The following SGK3 variants were observed in gnomAD, a reference collection of about 807,000 sequenced individuals.
The protein encoded by SGK3 is serine/threonine-protein kinase Sgk3.
SGK3 carries 47 observed loss-of-function variants against 68.5 expected under a neutral mutation model. The ratio of observed to expected loss-of-function variants is 0.69; its 90% CI spans 0.54 to 0.87. The LOEUF is 0.87. SGK3 is among the 40% of genes least tolerant of loss of function. The pLI, the probability that SGK3 is intolerant of heterozygous loss-of-function variation, is 0.00. For missense variants in SGK3, 479 were observed against 575.5 expected (o/e 0.83, Z 1.72); for synonymous variants, 181 against 189.1 (o/e 0.96, Z 0.35).
chr8:66,790,454 T>C (rs1426560622), intron 1 of SGK3, among the ~76,000 whole-genome samples: 1 of 152,210 alleles, frequency 6.6e-6, no homozygotes, highest in East Asian at 1.9e-4. Flanking sequence ...GCCTCATCTA[T>C]GCCTACCCAA....
chr8:66,778,923 A>T (rs1806838138), intron 1 of SGK3, among the ~76,000 whole-genome samples: 1 of 152,194 alleles, frequency 6.6e-6, no homozygotes, highest in African/African-American at 2.4e-5. Flanking sequence ...GTGGAGTATT[A>T]TTCCTAAAAT....
intron 2 of SGK3, among the ~76,000 whole-genome samples, chr8:66,797,314 G>T (rs1807738449): frequency 6.6e-6 from 1 of 152,226 alleles, no homozygotes; most frequent in Non-Finnish European, 1.5e-5. Context: ...TGCCGTGTGA[G>T]ATAATCTCTT....
intron 1 of SGK3, among the ~76,000 whole-genome samples, chr8:66,752,580 C>T (rs1805850134): frequency 6.6e-6 from 1 of 151,560 alleles, no homozygotes; most frequent in Non-Finnish European, 1.5e-5. Flanking sequence ...GTAGGAGTTA[C>T]CCTGTGAAAA....
At chr8:66,856,661 A>C (rs1489969637) in intron 16 of SGK3, among the ~76,000 whole-genome samples, 1 of 152,212 alleles carries the variant, frequency 6.6e-6, no homozygotes, top group Admixed American at 6.5e-5. Flanking sequence ...TATAAAGGCA[A>C]GTCAGAGAAC....
chr8:66,857,118 T>C (rs1810543588), intron 16 of SGK3, among the ~76,000 whole-genome samples: 1 of 152,072 alleles, frequency 6.6e-6, no homozygotes, highest in Non-Finnish European at 1.5e-5. Context: ...CTAGCAAATT[T>C]TGTAGCCAGA....
intron 4 of SGK3, among the ~76,000 whole-genome samples, chr8:66,805,829 A>G (rs1296105606): frequency 6.6e-6 from 1 of 152,234 alleles, no homozygotes; most frequent in Non-Finnish European, 1.5e-5. Flanking sequence ...AATACCTCAC[A>G]TGTCTGTGTA....
intron 16 of SGK3, among the ~76,000 whole-genome samples, chr8:66,855,373 T>G (rs569967260): frequency 2.0e-5 from 3 of 152,252 alleles, no homozygotes; most frequent in Non-Finnish European, 4.4e-5. Context: ...CAGCTAATTT[T>G]TGTATTTTTA....
intron 5 of SGK3, 120 bp downstream of exon 5, chr8:66,814,048 ATCT>A (rs1179801809): frequency 3.5e-5 from 25 of 713,768 alleles, no homozygotes; most frequent in South Asian, 1.9e-4. Context: ...TGTTTGTAAA[ATCT>A]TCTTTGAGCA....
Position 66,859,664 on chromosome 8 carries a change from A to T in SGK3, c.*83A>T. ...TCTATTTGTGTGAATATATTCAAAT[A>T]TGTATAACTAGTGCCTCATTTTTAT... On this transcript the variant is annotated 3_prime_UTR_variant, in exon 17 of 17. Transcript: ENST00000521198. 1 of 1,367,110 alleles carries T rather than the reference A, an allele frequency of 7.3e-7. No individual in the cohort carries two copies. Among genetic ancestry groups the T allele is most frequent in the South Asian group, 2.1e-5 (1 of 48,652 alleles). The allele number at this position is 1,367,110 out of a possible 1,614,324, so 84.7% of individuals were successfully genotyped here.
intron 3 of SGK3, among the ~76,000 whole-genome samples, chr8:66,801,094 G>A (rs1001507232): frequency 2.0e-5 from 3 of 152,148 alleles, no homozygotes; most frequent in Admixed American, 6.5e-5. Flanking sequence ...CTAAATACAG[G>A]TTGAGTATCC....
chr8:66,722,152 G>A (rs757708645), intron 1 of SGK3, among the ~76,000 whole-genome samples: 1 of 152,208 alleles, frequency 6.6e-6, no homozygotes, highest in Admixed American at 6.5e-5. Flanking sequence ...CTGTAAAGGT[G>A]CGTGGGCCAG....
intron 1 of SGK3, among the ~76,000 whole-genome samples, chr8:66,788,823 G>T (rs1476225319): frequency 1.3e-5 from 2 of 152,140 alleles, no homozygotes; most frequent in Non-Finnish European, 2.9e-5. Flanking sequence ...GCTTGTGTAT[G>T]TGTCTTACAC....
chr8:66,752,287 C>G (rs752315161), intron 1 of SGK3, among the ~76,000 whole-genome samples: 4 of 152,028 alleles, frequency 2.6e-5, no homozygotes, highest in Non-Finnish European at 4.4e-5. Context: ...TGGTGACCAA[C>G]CACCCTTGAC....
intron 16 of SGK3, among the ~76,000 whole-genome samples, chr8:66,853,642 A>T (rs971918726): frequency 3.9e-5 from 6 of 152,220 alleles, no homozygotes; most frequent in Non-Finnish European, 5.9e-5. Flanking sequence ...AGTCTACATT[A>T]AAAAAGGACT....
At chr8:66,715,701 A>C (rs995023820) in intron 1 of SGK3, among the ~76,000 whole-genome samples, 2 of 152,254 alleles carry the variant, frequency 1.3e-5, no homozygotes, top group Non-Finnish European at 2.9e-5. Context: ...AAAAACACAC[A>C]CAAAATTCCT....
intron 1 of SGK3, among the ~76,000 whole-genome samples, chr8:66,747,317 A>G (rs1299367310): frequency 6.6e-6 from 1 of 152,194 alleles, no homozygotes; most frequent in African/African-American, 2.4e-5. Context: ...GCATAGAACC[A>G]TGGTTTTTCC....
At chr8:66,751,843 G>A (rs187760815) in intron 1 of SGK3, among the ~76,000 whole-genome samples, 2 of 151,708 alleles carry the variant, frequency 1.3e-5, no homozygotes, top group Admixed American at 6.6e-5. Context: ...TCGGCTCACC[G>A]CAACCTCCGA....
At chr8:66,828,776 G>A in intron 7 of SGK3, 73 bp downstream of exon 7, 1 of 1,548,390 alleles carries the variant, frequency 6.5e-7, no homozygotes, top group Non-Finnish European at 8.9e-7. Context: ...ATGCAGATAT[G>A]TATAATTACA....
rs1810714773 is a variant in SGK3, at chr8:66,860,634, T to C, written c.*1053T>C. ...GGATTTTTTAAGGTGGTACCAAAAA[T>C]GAATGTCTGTCATATATTTATATTA... On this transcript the variant is annotated 3_prime_UTR_variant, in exon 17 of 17. Coordinates refer to ENST00000521198, the MANE Select transcript of SGK3 (RefSeq NM_001033578.3). The C allele has an allele frequency of 6.6e-6, 1 of 152,200 alleles. No individual in the cohort carries two copies. The highest frequency in any genetic ancestry group is 2.1e-4 in the South Asian group (1 of 4,822). 9.4% of individuals were successfully genotyped at this position (152,200 alleles called of 1,614,324 possible). A position where few individuals can be genotyped will look rare whatever the true frequency, so the allele number is the denominator to read the frequency against.
Sources: allele counts gnomAD v4.1 joint callset (sites outside exome capture counted in the v4.1 genomes callset), GRCh38; gene constraint gnomAD v4.1.1; transcripts MANE v1.5; gene names NCBI Gene and HGNC (gene_info 2026-07-23, HGNC 2026-07-21).